IFT140: variants seen among roughly 807,000 people sequenced by gnomAD.
The protein encoded by IFT140 is intraflagellar transport 140.
IFT140 carries 133 observed loss-of-function variants against 164.6 expected under a neutral mutation model. The ratio of observed to expected loss-of-function variants is 0.81; its 90% CI spans 0.70 to 0.93. The LOEUF is 0.93. Ranked by LOEUF, IFT140 falls within the 40% of genes least tolerant of loss-of-function variation. IFT140 has a pLI of 0.00. For synonymous variants in IFT140, 860 were observed against 817.3 expected (o/e 1.05, Z -0.89); for missense variants, 2,045 against 1,972.3 (o/e 1.04, Z -0.70).
intron 5 of IFT140, 44 bp downstream of exon 5, chr16:1,592,423 G>A (rs375845878): frequency 3.4e-5 from 55 of 1,611,618 alleles, no homozygotes; most frequent in African/African-American, 1.1e-4. Context: ...CACCTCCCCC[G>A]ATGTAAACAC....
Position 1,602,382 on chromosome 16 carries a change from C to G in IFT140, c.357G>C (p.Leu119=), listed in dbSNP as rs2035838651. ...LRWSPSGNCL[L]SGDRLGVLLL... is the part of the protein sequence containing the mutation. The stretch of plus-strand genomic sequence containing the variant: ...CGTGTTGACTCACCCTGTCCCCAGA[C>G]AGCAGGCAGTTTCCACTGGGGCTCC... The change falls in exon 4 of 31, where the codon CTG becomes CTC. Residue 119 remains leucine, a synonymous_variant. Coordinates refer to ENST00000426508, the MANE Select transcript of IFT140 (RefSeq NM_014714.4). The G allele has an allele frequency of 4.3e-6, 7 of 1,614,054 alleles. No individual in the cohort carries two copies. In the Admixed American group the frequency reaches 8.3e-5, roughly 19 times the overall value.
chr16:1,609,475 TAAATGTGAGTTTC>T (rs1396856626), intron 2 of IFT140, among the ~76,000 whole-genome samples: 1 of 152,202 alleles, frequency 6.6e-6, no homozygotes, highest in Non-Finnish European at 1.5e-5. Flanking sequence ...GACTTTACCG[TAAATGTGAGTTTC>T]ACTGCTCACA....
chr16:1,563,553 ACAGT>A (rs1223562074), intron 17 of IFT140, among the ~76,000 whole-genome samples: 2 of 152,076 alleles, frequency 1.3e-5, no homozygotes, highest in Non-Finnish European at 2.9e-5. Context: ...GTCAGACCAG[ACAGT>A]AAGTGTGGAG....
At chr16:1,592,621 G>A (rs1004518890) in intron 4 of IFT140, 33 bp from the exon 5 acceptor site, 4 of 1,594,858 alleles carry the variant, frequency 2.5e-6, no homozygotes, top group Non-Finnish European at 3.4e-6. Context: ...GTTAGGACAG[G>A]TGTCCCGGCA....
rs1465706247 is a variant in IFT140, at chr16:1,602,423, T to C, written c.316A>G (p.Ile106Val). The change falls in exon 4 of 31, where the codon ATC becomes GTC. Residue 106 changes from isoleucine to valine, a missense_variant. Coordinates refer to ENST00000426508, the MANE Select transcript of IFT140 (RefSeq NM_014714.4). ...CTGGGGCTCCAACGGAGCACGGTGA[T>C]GTCGGCTGTGTGTGTCAGGGGCATC... ...HTMPLTHTAD[I>V]TVLRWSPSGN... 1.2e-6 allele frequency: 2 copies of C among 1,614,248 alleles called. No individual in the cohort carries two copies. The highest frequency in any genetic ancestry group is 1.7e-5 in the Admixed American group (1 of 60,022).
chr16:1,559,939 T>C (rs1232298202), intron 18 of IFT140, among the ~76,000 whole-genome samples: 2 of 151,560 alleles, frequency 1.3e-5, no homozygotes, highest in South Asian at 2.1e-4. Context: ...CTATGAGGAG[T>C]GGACGCATGC....
intron 4 of IFT140, among the ~76,000 whole-genome samples, chr16:1,596,663 G>A (rs534000988): frequency 3.3e-5 from 5 of 152,286 alleles, no homozygotes; most frequent in South Asian, 4.1e-4. Flanking sequence ...ATCACAGGAC[G>A]CAATGAGTCA....
At position 1,518,330 on chromosome 16, in the gene IFT140, G is replaced by A. The variant is rs1281198607; in HGVS notation, c.4068C>T (p.Ser1356=). ...RRTYTEDPKE[S]IKQCELLLEE... is the part of the protein sequence containing the mutation. ...CCAGGAGCAGCTCACACTGCTTGAT[G>A]GACTCCTTGGGGTCCTCTGTGTACG... Residue 1356 remains serine, a synonymous_variant, in exon 30 of 31, where the codon TCC becomes TCT. Transcript: ENST00000426508. 3 of 1,614,072 alleles carry A rather than the reference G, an allele frequency of 1.9e-6. No individual in the cohort carries two copies. In the South Asian group the frequency reaches 3.3e-5, roughly 18 times the overall value.
chr16:1,512,087 G>A (rs2040177810), intron 30 of IFT140, among the ~76,000 whole-genome samples: 1 of 149,498 alleles, frequency 6.7e-6, no homozygotes, highest in Middle Eastern at 3.2e-3. Flanking sequence ...GTTTCCAGAA[G>A]GCAGGCAGAA....
chr16:1,603,123 T>G (rs1260191995), intron 3 of IFT140, among the ~76,000 whole-genome samples: 1 of 152,168 alleles, frequency 6.6e-6, no homozygotes. Context: ...TGTGCTCAGC[T>G]GGCAACCCCG....
intron 20 of IFT140, 84 bp downstream of exon 20, chr16:1,526,535 G>A: frequency 2.3e-6 from 3 of 1,325,730 alleles, no homozygotes; most frequent in Non-Finnish European, 3.0e-6. Context: ...TCAGGCCGGT[G>A]GGCGTGCCTC....
At chr16:1,537,619 G>A (rs2031203506) in intron 19 of IFT140, among the ~76,000 whole-genome samples, 1 of 152,140 alleles carries the variant, frequency 6.6e-6, no homozygotes, top group East Asian at 1.9e-4. Flanking sequence ...CGGGGGACCA[G>A]GGAGGCCTGA....
intron 29 of IFT140, among the ~76,000 whole-genome samples, chr16:1,519,002 A>T (rs71385705): frequency 0.037 from 5,639 of 152,150 alleles, 138 homozygotes; most frequent in Non-Finnish European, 0.054. Context: ...CCCCTGGCCC[A>T]TAGAAGGTTG....
chr16:1,608,828 G>C (rs1421867888), intron 2 of IFT140, among the ~76,000 whole-genome samples: 1 of 151,990 alleles, frequency 6.6e-6, no homozygotes, highest in Non-Finnish European at 1.5e-5. Context: ...TGATCCTCCT[G>C]CCTCAGTCTC....
chr16:1,599,644 G>T (rs2035673504), intron 4 of IFT140, among the ~76,000 whole-genome samples: 1 of 73,738 alleles, frequency 1.4e-5, no homozygotes, highest in African/African-American at 7.9e-5. Context: ...CGTCCGGGAG[G>T]GAGGTGGGGG....
chr16:1,516,577 G>A (rs2141125719), intron 30 of IFT140, among the ~76,000 whole-genome samples: 1 of 152,048 alleles, frequency 6.6e-6, no homozygotes, highest in South Asian at 2.1e-4. Context: ...AGACCATCCT[G>A]GCTAACACGG....
chr16:1,568,073 C>T lies in IFT140; in HGVS notation c.1770+144G>A, dbSNP rs1023133775. The T allele has an allele frequency of 1.3e-5, 8 of 638,298 alleles. No homozygotes were observed. The East Asian group carries it at 1.4e-4, about 11-fold the overall frequency. The allele number at this position is 638,298 out of a possible 1,614,324, so 39.5% of individuals were successfully genotyped here. On this transcript the variant is annotated intron_variant, in intron 15 of 30. Coordinates refer to ENST00000426508, the MANE Select transcript of IFT140 (RefSeq NM_014714.4). Reference sequence around the variant, plus strand: ...GGTGGGAGGGAGAGACCCGGGGAGACGAGGGGAAGGAGAGTGGGGCTGAAC... The same window carrying T: ...GGTGGGAGGGAGAGACCCGGGGAGATGAGGGGAAGGAGAGTGGGGCTGAAC...
At chr16:1,550,244 G>T in intron 19 of IFT140, among the ~76,000 whole-genome samples, 1 of 152,076 alleles carries the variant, frequency 6.6e-6, no homozygotes, top group South Asian at 2.1e-4. Flanking sequence ...CAGCCCCTTC[G>T]TCTTCTATAT....
rs547563622 is a variant in IFT140, at chr16:1,517,973, G to C, written c.4182+243C>G. On this transcript the variant is annotated intron_variant, in intron 30 of 30. Coordinates refer to ENST00000426508, the MANE Select transcript of IFT140 (RefSeq NM_014714.4). ...CCACCTCAGCCTCCCAAGCAGCTGG[G>C]ACCCCAGGTGTGAGCCACCATGCCT... is the stretch of plus-strand genomic sequence containing the variant. 7 of 353,476 alleles carry C rather than the reference G, an allele frequency of 2.0e-5. No homozygotes were observed. The East Asian group carries it at 3.7e-4, about 19-fold the overall frequency. The allele number at this position is 353,476 out of a possible 1,614,324, so 21.9% of individuals were successfully genotyped here.
Sources: allele counts gnomAD v4.1 joint callset (sites outside exome capture counted in the v4.1 genomes callset), GRCh38; gene constraint gnomAD v4.1.1; transcripts MANE v1.5; gene names NCBI Gene and HGNC (gene_info 2026-07-23, HGNC 2026-07-21).